The following PVT1 variants were observed in gnomAD, a reference collection of about 807,000 sequenced individuals.
PVT1 encodes the protein Pvt1 oncogene, also known as CXCR4/PVT1 fusion.
chr8:127,803,847 A>G (rs1237377177), intron 2 of PVT1, among the ~76,000 whole-genome samples: 1 of 151,610 alleles, frequency 6.6e-6, no homozygotes, highest in African/African-American at 2.4e-5. Flanking sequence ...CAGCCTTCCG[A>G]GTAGCTGGAG....
At chr8:127,819,068 G>A (rs1814699400) in intron 2 of PVT1, among the ~76,000 whole-genome samples, 1 of 152,214 alleles carries the variant, frequency 6.6e-6, no homozygotes, top group Non-Finnish European at 1.5e-5. Flanking sequence ...TGTGGTCCCT[G>A]CTGGAGTGCT....
In PVT1 at chr8:128,001,395, G is replaced by C. The variant is rs371794198; in HGVS notation, n.912+12104G>C. 1.6e-4 allele frequency among the ~76,000 whole-genome samples: 25 copies of C among 152,154 alleles called. No individual in the cohort carries two copies. The East Asian group carries it at 4.6e-3, about 28-fold the overall frequency. On this transcript the variant is annotated intron_variant and non_coding_transcript_variant, in intron 4 of 10. Transcript: ENST00000651587. ...TCAAAATAAACCAGGGCAGTGCTGA[G>C]GGGGGAAGTGAGGCTAGCTGGGGGG...
intron 4 of PVT1, among the ~76,000 whole-genome samples, chr8:128,012,907 C>A (rs1817329987): frequency 6.6e-6 from 1 of 152,108 alleles, no homozygotes; most frequent in African/African-American, 2.4e-5. Context: ...TAAAAAATCT[C>A]TTTAGATGGT....
At chr8:127,858,358 T>C (rs963973142) in intron 2 of PVT1, among the ~76,000 whole-genome samples, 7 of 151,746 alleles carry the variant, frequency 4.6e-5, no homozygotes, top group Non-Finnish European at 1.0e-4. Flanking sequence ...AGTGAGCGGA[T>C]ATTGTGCCAT....
In PVT1 at chr8:127,980,791, C is replaced by CT. The variant is rs11361552; in HGVS notation, n.783-8351dup. On this transcript the variant is annotated intron_variant and non_coding_transcript_variant, in intron 3 of 10. Coordinates refer to ENST00000651587, the Ensembl canonical transcript of PVT1. Reference sequence around the variant, plus strand: ...TGTGAGTCACCAAAAACTACAGCTTCTTTTTTTTTTTTTTTTTTTTGTTTG... The same window carrying CT: ...TGTGAGTCACCAAAAACTACAGCTTCTTTTTTTTTTTTTTTTTTTTTGTTTG... Among the ~76,000 whole-genome samples, 921 of 120,408 alleles carry CT rather than the reference C, an allele frequency of 7.6e-3. 17 individuals carry two copies. The East Asian group carries it at 0.08, about 11-fold the overall frequency. 79.0% of individuals were successfully genotyped at this position (120,408 alleles called of 152,430 possible).
At chr8:127,993,717 A>G (rs1022506180) in intron 4 of PVT1, among the ~76,000 whole-genome samples, 39 of 152,338 alleles carry the variant, frequency 2.6e-4, no homozygotes, top group African/African-American at 8.9e-4. Flanking sequence ...GGAAGAAAGT[A>G]TTCCCCTTTC....
At chr8:127,829,146 A>C (rs933284045) in intron 2 of PVT1, among the ~76,000 whole-genome samples, 1 of 152,114 alleles carries the variant, frequency 6.6e-6, no homozygotes, top group African/African-American at 2.4e-5. Context: ...ACGTGGTGGC[A>C]GGTGCCTGTA....
chr8:127,996,264 C>T (rs994560765), intron 4 of PVT1, among the ~76,000 whole-genome samples: 27 of 152,084 alleles, frequency 1.8e-4, no homozygotes, highest in African/African-American at 6.0e-4. Context: ...AGGTATAGGC[C>T]GGCTTTCAGA....
intron 2 of PVT1, among the ~76,000 whole-genome samples, chr8:127,860,221 C>T (rs990030208): frequency 1.3e-5 from 2 of 152,230 alleles, no homozygotes; most frequent in South Asian, 2.1e-4. Flanking sequence ...CGCAGGAGGC[C>T]GGCTCCTGGC....
intron 4 of PVT1, chr8:128,049,214 T>G: frequency 1.9e-6 from 1 of 531,586 alleles, no homozygotes; most frequent in South Asian, 1.4e-5. Context: ...CAGCTGGCCC[T>G]CATTTCTTAA....
chr8:128,095,568 A>G (rs1455944527), intron 5 of PVT1, among the ~76,000 whole-genome samples: 1 of 152,236 alleles, frequency 6.6e-6, no homozygotes, highest in African/African-American at 2.4e-5. Context: ...TTATTGGAAC[A>G]CAGCTATGCC....
intron 2 of PVT1, among the ~76,000 whole-genome samples, chr8:127,828,559 ACG>A (rs1287184463): frequency 6.6e-6 from 1 of 151,842 alleles, no homozygotes; most frequent in East Asian, 1.9e-4. Context: ...GTTTTCACTG[ACG>A]CTTTAGAAAA....
At chr8:128,001,111 G>A (rs1586475538) in intron 4 of PVT1, among the ~76,000 whole-genome samples, 1 of 152,248 alleles carries the variant, frequency 6.6e-6, no homozygotes, top group East Asian at 1.9e-4. Context: ...CCAGGGCATT[G>A]CCACTGCCCC....
chr8:128,075,989 C>T (rs1814084151), intron 5 of PVT1, among the ~76,000 whole-genome samples: 1 of 152,208 alleles, frequency 6.6e-6, no homozygotes. Context: ...AACCAGTAGA[C>T]AGATTATGTA....
intron 2 of PVT1, among the ~76,000 whole-genome samples, chr8:127,841,212 C>T (rs1055512210): frequency 1.3e-5 from 2 of 152,264 alleles, no homozygotes; most frequent in Admixed American, 6.5e-5. Context: ...GTTAGATCTT[C>T]ATCCACCTCT....
In PVT1 at chr8:127,984,909, CTT is replaced by C. The variant is rs1035453514; in HGVS notation, n.783-4251_783-4250del. Among the ~76,000 whole-genome samples, 75 of 89,812 alleles carry C rather than the reference CTT, an allele frequency of 8.4e-4. 3 individuals are homozygous for C. Among genetic ancestry groups the C allele is most frequent in the Non-Finnish European group, 1.3e-3 (58 of 43,482 alleles). 58.9% of individuals were successfully genotyped at this position (89,812 alleles called of 152,430 possible). On this transcript the variant is annotated intron_variant and non_coding_transcript_variant, in intron 3 of 10. Coordinates refer to ENST00000651587, the Ensembl canonical transcript of PVT1. ...TCTTTCTTTCTTTCTTTCTTTCTTT[CTT>C]TCTTTCTTTCTCTTTCTCTTTCTTT...
chr8:127,915,856 G>A (rs928032233), intron 3 of PVT1, among the ~76,000 whole-genome samples: 3 of 152,180 alleles, frequency 2.0e-5, no homozygotes, highest in Non-Finnish European at 4.4e-5. Flanking sequence ...GTTTCGCTTT[G>A]CTTCAGATTC....
At chr8:128,082,238 T>C (rs931718544) in intron 5 of PVT1, among the ~76,000 whole-genome samples, 88 of 152,320 alleles carry the variant, frequency 5.8e-4, no homozygotes, top group African/African-American at 2.0e-3. Context: ...TAGAGATAAA[T>C]AGATTGAGCT....
intron 2 of PVT1, among the ~76,000 whole-genome samples, chr8:127,872,709 A>G (rs1483266259): frequency 2.0e-5 from 3 of 152,248 alleles, no homozygotes; most frequent in African/African-American, 7.2e-5. Context: ...CAATGGAAGC[A>G]TCCAGAAAAC....
Sources: allele counts gnomAD v4.1 joint callset (sites outside exome capture counted in the v4.1 genomes callset), GRCh38; gene constraint gnomAD v4.1.1; transcripts MANE v1.5; gene names NCBI Gene and HGNC (gene_info 2026-07-23, HGNC 2026-07-21).